The following MYO3B variants were observed in gnomAD, a reference collection of about 807,000 sequenced individuals.
MYO3B encodes the protein myosin-IIIb.
A neutral mutation model predicts 174.6 loss-of-function variants in MYO3B; 156 were observed. The observed-to-expected ratio is 0.89, with a 90% CI of 0.78 to 1.02. The LOEUF (loss-of-function observed/expected upper bound fraction) is 1.02. MYO3B is among the 50% of genes least tolerant of loss of function. MYO3B has a pLI of 0.00. For missense variants in MYO3B, 1,632 were observed against 1,639.4 expected (o/e 1.00, Z 0.08); for synonymous variants, 563 against 569.1 (o/e 0.99, Z 0.15).
Position 170,369,369 on chromosome 2 carries a change from T to G in MYO3B, c.963T>G (p.Ala321=), listed in dbSNP as rs2105683594. Reference sequence around the variant, plus strand: ...ACCAGAAGCATCAAAATCCTGTTGCTAAAACCAGGTACTGTACTCTCTTTC... The same window carrying G: ...ACCAGAAGCATCAAAATCCTGTTGCGAAAACCAGGTACTGTACTCTCTTTC... ...LQDQKHQNPV[A]KTRHERMHTR... is the part of the protein sequence containing the mutation. Residue 321 remains alanine (A), a synonymous_variant, in exon 9 of 35, where the codon GCT becomes GCG. Coordinates refer to ENST00000408978, the MANE Select transcript of MYO3B (RefSeq NM_138995.5). The G allele has an allele frequency of 6.2e-7, 1 of 1,613,444 alleles. No homozygotes were observed. The highest frequency in any genetic ancestry group is 8.5e-7 in the Non-Finnish European group (1 of 1,179,518).
intron 6 of MYO3B, among the ~76,000 whole-genome samples, chr2:170,220,645 A>G (rs1301730497): frequency 6.6e-6 from 1 of 151,822 alleles, no homozygotes; most frequent in East Asian, 1.9e-4. Flanking sequence ...AAAAAAAAAA[A>G]AAAAAAAAAT....
intron 23 of MYO3B, among the ~76,000 whole-genome samples, chr2:170,460,487 C>CAAAAAAAAAAA (rs36000141): frequency 8.1e-5 from 6 of 73,702 alleles, no homozygotes; most frequent in East Asian, 1.0e-3. Flanking sequence ...GACTCCGTCT[C>CAAAAAAAAAAA]AAAAAAAAAA....
chr2:170,415,786 T>A (rs1224133947), intron 22 of MYO3B, among the ~76,000 whole-genome samples: 1 of 152,192 alleles, frequency 6.6e-6, no homozygotes, highest in Non-Finnish European at 1.5e-5. Context: ...TCCCTTCCTC[T>A]CTTACCTCCA....
chr2:170,397,064 G>A (rs184445851), intron 16 of MYO3B, among the ~76,000 whole-genome samples: 1 of 152,160 alleles, frequency 6.6e-6, no homozygotes, highest in Admixed American at 6.5e-5. Context: ...TTAAATCCGA[G>A]CAAGTCCCAG....
chr2:170,186,852 G>A (rs980404562), intron 1 of MYO3B, among the ~76,000 whole-genome samples: 6 of 151,974 alleles, frequency 3.9e-5, no homozygotes, highest in Non-Finnish European at 8.8e-5. Context: ...ATCTTGGTAG[G>A]TTGTATATGT....
At chr2:170,357,765 C>T (rs552283759) in intron 8 of MYO3B, among the ~76,000 whole-genome samples, 5 of 152,076 alleles carry the variant, frequency 3.3e-5, no homozygotes, top group Non-Finnish European at 7.4e-5. Context: ...ATAAAGTTAC[C>T]ATAACCAGCA....
intron 32 of MYO3B, among the ~76,000 whole-genome samples, chr2:170,613,546 T>C (rs945719920): frequency 9.9e-5 from 15 of 152,132 alleles, no homozygotes; most frequent in African/African-American, 3.6e-4. Context: ...TATAACACTC[T>C]CCCAAGTCCG....
At chr2:170,360,371 T>TA (rs1388458552) in intron 8 of MYO3B, among the ~76,000 whole-genome samples, 2 of 152,050 alleles carry the variant, frequency 1.3e-5, no homozygotes, top group Admixed American at 1.3e-4. Flanking sequence ...AGCCAGACAT[T>TA]AAAAAAATTA....
rs1272610585 is a variant in MYO3B at position 170,519,569 on chromosome 2, T to A, written c.3575+29T>A. On this transcript the variant is annotated intron_variant, in intron 30 of 34. Transcript: ENST00000408978. ...AGCATTATCTGCTAAGAGTTCCCTG[T>A]TGTAAACTCAGGTGCTCCATTCTAA... 3.2e-6 allele frequency: 5 copies of A among 1,553,838 alleles called. No individual in the cohort carries two copies. The African/African-American group carries it at 5.4e-5, about 17-fold the overall frequency.
intron 1 of MYO3B, among the ~76,000 whole-genome samples, chr2:170,195,793 G>A (rs1320946460): frequency 2.0e-5 from 3 of 152,132 alleles, no homozygotes; most frequent in African/African-American, 7.2e-5. Context: ...AGGAGTTTGA[G>A]CAGACACACA....
At chr2:170,526,180 T>C (rs1688986269) in intron 30 of MYO3B, among the ~76,000 whole-genome samples, 1 of 152,188 alleles carries the variant, frequency 6.6e-6, no homozygotes, top group Non-Finnish European at 1.5e-5. Flanking sequence ...GACAAGTTCC[T>C]TCCTCTCTCT....
chr2:170,419,686 G>A (rs2094603102), intron 22 of MYO3B, among the ~76,000 whole-genome samples: 2 of 152,116 alleles, frequency 1.3e-5, no homozygotes, highest in South Asian at 4.1e-4. Context: ...TGGCCACCTA[G>A]AGCGGCTCTG....
chr2:170,531,882 A>G (rs1689374943), intron 30 of MYO3B, among the ~76,000 whole-genome samples: 1 of 152,240 alleles, frequency 6.6e-6, no homozygotes, highest in Non-Finnish European at 1.5e-5. Context: ...ACAGAAAATC[A>G]TCATTTGGCA....
intron 32 of MYO3B, among the ~76,000 whole-genome samples, chr2:170,628,161 C>T (rs1057376525): frequency 7.9e-5 from 12 of 152,098 alleles, no homozygotes; most frequent in African/African-American, 2.9e-4. Context: ...TCTACAGAGG[C>T]AGGCAGGCCT....
chr2:170,595,230 C>G (rs952905897), intron 32 of MYO3B, among the ~76,000 whole-genome samples: 1 of 151,998 alleles, frequency 6.6e-6, no homozygotes, highest in Non-Finnish European at 1.5e-5. Flanking sequence ...AGGGGGTGTT[C>G]CAAAAATGAT....
In MYO3B at chr2:170,407,794, C is replaced by T; in HGVS notation, c.2600C>T (p.Ser867Leu). The T allele has an allele frequency of 1.2e-6, 2 of 1,614,084 alleles. No individual in the cohort carries two copies. Among genetic ancestry groups the T allele is most frequent in the Non-Finnish European group, 8.5e-7 (1 of 1,179,960 alleles). ...PADVVVVLRT[S>L]ENKLLQQLFS... ...GATGTGGTTGTGGTCCTGAGAACGT[C>T]AGAAAACAAGCTTCTTCAGCAGCTC... The change falls in exon 22 of 35, where the codon TCA (serine) becomes TTA (leucine). Residue 867 changes from serine (S) to leucine (L), a missense_variant. Ser to Leu is a moderately radical substitution (Grantham distance 145, BLOSUM62 -2). Coordinates refer to ENST00000408978, the MANE Select transcript of MYO3B (RefSeq NM_138995.5).
intron 1 of MYO3B, among the ~76,000 whole-genome samples, chr2:170,193,904 C>G (rs1001487457): frequency 3.3e-5 from 5 of 152,026 alleles, no homozygotes; most frequent in Non-Finnish European, 7.4e-5. Flanking sequence ...GGAATTTTCA[C>G]CCTTATTTTT....
At chr2:170,268,439 T>C (rs918983554) in intron 7 of MYO3B, among the ~76,000 whole-genome samples, 5 of 152,186 alleles carry the variant, frequency 3.3e-5, no homozygotes, top group African/African-American at 9.6e-5. Context: ...GCCAGAGTGA[T>C]TTAAAGAAAG....
At position 170,654,594 on chromosome 2, in the gene MYO3B, G is replaced by C. The variant is rs1201126354; in HGVS notation, c.*1473G>C. ...ACCCGGGAAGCAAAGGTTGCAGTCA[G>C]CTGAGAGCGCACCACTGCACTCCAG... On this transcript the variant is annotated 3_prime_UTR_variant, in exon 35 of 35. Coordinates refer to ENST00000408978, the MANE Select transcript of MYO3B (RefSeq NM_138995.5). 1 of 140,820 alleles carries C rather than the reference G, an allele frequency of 7.1e-6. No individual in the cohort carries two copies. The allele number at this position is 140,820 out of a possible 1,614,324, so 8.7% of individuals were successfully genotyped here. A position where few individuals can be genotyped will look rare whatever the true frequency, so the allele number is the denominator to read the frequency against.
Sources: allele counts gnomAD v4.1 joint callset (sites outside exome capture counted in the v4.1 genomes callset), GRCh38; gene constraint gnomAD v4.1.1; transcripts MANE v1.5; gene names NCBI Gene and HGNC (gene_info 2026-07-23, HGNC 2026-07-21).